Variants in ST6GAL1 observed in about 807,000 individuals in gnomAD.
The protein encoded by ST6GAL1 is beta-galactoside alpha-2,6-sialyltransferase 1.
ST6GAL1 carries 20 observed loss-of-function variants against 38.0 expected under a neutral mutation model. That is an observed-to-expected ratio of 0.53 (90% CI 0.37 to 0.77). The LOEUF is 0.77. ST6GAL1 is among the 30% of genes least tolerant of loss of function. The probability of loss-of-function intolerance (pLI) is 0.00; values close to 1 mark genes in which losing one functional copy is unlikely to be tolerated. For missense variants in ST6GAL1, 432 were observed against 496.4 expected (o/e 0.87, Z 1.23); for synonymous variants, 196 against 188.2 (o/e 1.04, Z -0.34).
chr3:187,050,426 C>T (rs762589484), intron 4 of ST6GAL1, among the ~76,000 whole-genome samples: 8 of 152,100 alleles, frequency 5.3e-5, no homozygotes, highest in Non-Finnish European at 1.2e-4. Flanking sequence ...ACTGCTTAAA[C>T]AGTTGCAAAG....
chr3:187,043,403 C>G, intron 4 of ST6GAL1, 93 bp downstream of exon 4: 3 of 1,521,602 alleles, frequency 2.0e-6, no homozygotes, highest in Middle Eastern at 5.0e-4. Flanking sequence ...AAGTGTGGCT[C>G]AGCGGACCAG....
chr3:187,001,676 G>C (rs574815421), intron 2 of ST6GAL1, among the ~76,000 whole-genome samples: 1 of 152,196 alleles, frequency 6.6e-6, no homozygotes, highest in African/African-American at 2.4e-5. Context: ...ACAAACAAAC[G>C]GCCGGGCTCA....
At chr3:187,004,342 T>A (rs1014853109) in intron 2 of ST6GAL1, among the ~76,000 whole-genome samples, 2 of 152,240 alleles carry the variant, frequency 1.3e-5, no homozygotes, top group African/African-American at 4.8e-5. Context: ...AGGGAGACTA[T>A]CTGAAAGTCC....
At chr3:187,066,756 T>TG (rs1719157024) in intron 5 of ST6GAL1, among the ~76,000 whole-genome samples, 1 of 152,010 alleles carries the variant, frequency 6.6e-6, no homozygotes, top group South Asian at 2.1e-4. Context: ...TCCTGGCAGA[T>TG]GTTCCCCAGG....
At chr3:186,945,791 C>T (rs1233398073) in intron 1 of ST6GAL1, among the ~76,000 whole-genome samples, 1 of 146,608 alleles carries the variant, frequency 6.8e-6, no homozygotes, top group Non-Finnish European at 1.5e-5. Flanking sequence ...TCGAGACCAT[C>T]CTGGCTAACA....
chr3:187,038,201 T>TC (rs58825192), intron 2 of ST6GAL1, among the ~76,000 whole-genome samples: 55,780 of 131,454 alleles, frequency 0.42, 11,726 homozygotes, highest in African/African-American at 0.64. Context: ...CTATTTCTTT[T>TC]TTTTTTTTTT....
intron 2 of ST6GAL1, among the ~76,000 whole-genome samples, chr3:187,028,576 A>G (rs1221551583): frequency 6.6e-6 from 1 of 152,084 alleles, no homozygotes; most frequent in Non-Finnish European, 1.5e-5. Flanking sequence ...TTATATAACC[A>G]CAATACTTTT....
At chr3:187,049,986 C>T (rs2108585884) in intron 4 of ST6GAL1, among the ~76,000 whole-genome samples, 1 of 152,296 alleles carries the variant, frequency 6.6e-6, no homozygotes, top group East Asian at 1.9e-4. Context: ...AGATAATTTT[C>T]AAACCATTTT....
chr3:186,991,902 T>G (rs1356801183), intron 2 of ST6GAL1, among the ~76,000 whole-genome samples: 2 of 152,122 alleles, frequency 1.3e-5, no homozygotes, highest in Non-Finnish European at 2.9e-5. Context: ...TCCCCTCCCA[T>G]CTGAGGACAG....
chr3:187,068,372 C>T (rs558855041), intron 5 of ST6GAL1, among the ~76,000 whole-genome samples: 16 of 151,482 alleles, frequency 1.1e-4, no homozygotes, highest in African/African-American at 3.9e-4. Flanking sequence ...AGTGTGGTCT[C>T]TGGAGCTAGA....
intron 1 of ST6GAL1, among the ~76,000 whole-genome samples, chr3:186,944,671 G>A (rs542131180): frequency 6.6e-6 from 1 of 152,182 alleles, no homozygotes. Flanking sequence ...AAATGAAATT[G>A]CTAACAGAGA....
chr3:187,044,533 T>A (rs565598619), intron 4 of ST6GAL1, among the ~76,000 whole-genome samples: 5 of 152,350 alleles, frequency 3.3e-5, no homozygotes, highest in Admixed American at 3.3e-4. Context: ...GTATTTTTGG[T>A]TTTTCTTGGA....
intron 2 of ST6GAL1, among the ~76,000 whole-genome samples, chr3:186,989,927 T>G (rs1295178966): frequency 2.0e-5 from 3 of 152,298 alleles, no homozygotes; most frequent in Middle Eastern, 6.8e-3. Flanking sequence ...CCCTTCCTTA[T>G]CCACCCTTAT....
intron 4 of ST6GAL1, among the ~76,000 whole-genome samples, chr3:187,049,824 C>G (rs868504882): frequency 6.6e-6 from 1 of 152,210 alleles, no homozygotes; most frequent in Non-Finnish European, 1.5e-5. Context: ...CTGTGTTTCT[C>G]ATGCAATTAC....
chr3:187,014,550 C>A (rs1717059436), intron 2 of ST6GAL1, among the ~76,000 whole-genome samples: 1 of 152,166 alleles, frequency 6.6e-6, no homozygotes, highest in African/African-American at 2.4e-5. Context: ...CTTCTTTGGG[C>A]CTGCTTCTTA....
chr3:186,958,092 G>A (rs550265813), intron 1 of ST6GAL1, among the ~76,000 whole-genome samples: 3 of 151,804 alleles, frequency 2.0e-5, no homozygotes, highest in Admixed American at 1.3e-4. Context: ...TATATTTAGT[G>A]TACTGTGATG....
At chr3:187,014,981 T>G (rs1717070829) in intron 2 of ST6GAL1, among the ~76,000 whole-genome samples, 1 of 152,240 alleles carries the variant, frequency 6.6e-6, no homozygotes. Context: ...GATTTCTTCC[T>G]TATTGATTCC....
intron 5 of ST6GAL1, among the ~76,000 whole-genome samples, chr3:187,058,179 A>T (rs1045073489): frequency 5.3e-5 from 8 of 152,008 alleles, no homozygotes; most frequent in African/African-American, 7.3e-5. Flanking sequence ...GGAGTGTCCC[A>T]TTTTTTCAGG....
At chr3:187,001,172 A>AACTC (rs1716604410) in intron 2 of ST6GAL1, among the ~76,000 whole-genome samples, 1 of 152,202 alleles carries the variant, frequency 6.6e-6, no homozygotes, top group Non-Finnish European at 1.5e-5. Context: ...AGCGAGGTAG[A>AACTC]ACTCAGTGTT....
Sources: gnomAD v4.1 joint callset for allele counts (sites outside exome capture counted in the v4.1 genomes callset) on GRCh38, gnomAD v4.1.1 for gene constraint, MANE v1.5 for transcripts, NCBI Gene and HGNC (gene_info 2026-07-23, HGNC 2026-07-21) for gene names.